The following ROBO2 variants were observed in gnomAD, a reference collection of about 807,000 sequenced individuals.
The protein encoded by ROBO2 is roundabout homolog 2.
Under a neutral mutation model 160.8 loss-of-function variants are expected in ROBO2, and 53 were observed. The ratio of observed to expected loss-of-function variants is 0.33; its 90% confidence interval spans 0.26 to 0.41. The LOEUF (loss-of-function observed/expected upper bound fraction) is 0.41, where lower values mean the gene tolerates loss of function less well. Ranked by LOEUF, ROBO2 falls within the 10% of genes least tolerant of loss-of-function variation. ROBO2 has a pLI of 1.00. For missense variants in ROBO2, 1,577 were observed against 1,722.4 expected (o/e 0.92, Z 1.49); for synonymous variants, 664 against 611.7 (o/e 1.09, Z -1.26).
intron 2 of ROBO2, among the ~76,000 whole-genome samples, chr3:77,007,568 C>A (rs535602788): frequency 6.6e-6 from 1 of 151,960 alleles, no homozygotes; most frequent in Non-Finnish European, 1.5e-5. Flanking sequence ...TTACTATAGA[C>A]GATATTCTGC....
intron 2 of ROBO2, among the ~76,000 whole-genome samples, chr3:76,421,859 G>C (rs1271925231): frequency 6.6e-6 from 1 of 152,142 alleles, no homozygotes; most frequent in African/African-American, 2.4e-5. Flanking sequence ...GTCACATTTA[G>C]TCCCCAATTT....
intron 2 of ROBO2, among the ~76,000 whole-genome samples, chr3:76,777,697 C>G (rs573100606): frequency 1.1e-4 from 17 of 150,810 alleles, no homozygotes; most frequent in African/African-American, 4.1e-4. Flanking sequence ...TGGATTTATA[C>G]TAATAGGCTG....
At chr3:77,382,158 C>A (rs1331200068) in intron 2 of ROBO2, among the ~76,000 whole-genome samples, 1 of 152,014 alleles carries the variant, frequency 6.6e-6, no homozygotes, top group Non-Finnish European at 1.5e-5. Flanking sequence ...GCATAAATGG[C>A]AGAGCTGCCC....
intron 2 of ROBO2, among the ~76,000 whole-genome samples, chr3:77,324,698 C>A (rs534075136): frequency 6.1e-5 from 9 of 148,118 alleles, no homozygotes; most frequent in Non-Finnish European, 1.0e-4. Flanking sequence ...AGGAGAATGG[C>A]GTGAACCTGG....
At chr3:75,990,900 C>A (rs2065547588) in intron 2 of ROBO2, among the ~76,000 whole-genome samples, 1 of 152,112 alleles carries the variant, frequency 6.6e-6, no homozygotes. Flanking sequence ...AGAAGATCTG[C>A]CCTCATAAAT....
At chr3:77,499,878 A>T (rs573923102) in intron 5 of ROBO2, among the ~76,000 whole-genome samples, 1 of 152,012 alleles carries the variant, frequency 6.6e-6, no homozygotes, top group South Asian at 2.1e-4. Flanking sequence ...GGAACTTCTG[A>T]CCTCATGATC....
At chr3:77,533,152 C>T (rs529010163) in intron 6 of ROBO2, among the ~76,000 whole-genome samples, 1 of 152,092 alleles carries the variant, frequency 6.6e-6, no homozygotes, top group East Asian at 1.9e-4. Context: ...TTTTCAATAT[C>T]TTACTAAAAA....
intron 2 of ROBO2, among the ~76,000 whole-genome samples, chr3:76,967,575 G>A (rs1166938911): frequency 7.2e-6 from 1 of 138,848 alleles, no homozygotes; most frequent in East Asian, 2.1e-4. Flanking sequence ...AGGCTGGAGT[G>A]CAGTGGCAAG....
intron 2 of ROBO2, among the ~76,000 whole-genome samples, chr3:76,004,574 T>C (rs1292272843): frequency 2.0e-5 from 3 of 152,182 alleles, no homozygotes; most frequent in African/African-American, 7.2e-5. Context: ...CAGAGGTGGC[T>C]GTCATTTTTT....
At chr3:77,224,570 T>C (rs572942794) in intron 2 of ROBO2, among the ~76,000 whole-genome samples, 2 of 152,150 alleles carry the variant, frequency 1.3e-5, no homozygotes, top group Admixed American at 6.5e-5. Flanking sequence ...GTATTTATTG[T>C]ATATTTGAGT....
intron 2 of ROBO2, among the ~76,000 whole-genome samples, chr3:76,572,603 G>T (rs998930499): frequency 1.3e-5 from 2 of 152,078 alleles, no homozygotes; most frequent in African/African-American, 4.8e-5. Flanking sequence ...CCCACCTATA[G>T]ATATTCTTAT....
chr3:77,355,832 T>G (rs900088026), intron 2 of ROBO2, among the ~76,000 whole-genome samples: 5 of 151,832 alleles, frequency 3.3e-5, no homozygotes, highest in African/African-American at 1.2e-4. Context: ...AAAAGTAGTG[T>G]CAGCCAGGGA....
intron 2 of ROBO2, among the ~76,000 whole-genome samples, chr3:77,473,912 T>G (rs1371210077): frequency 6.6e-6 from 1 of 152,136 alleles, no homozygotes; most frequent in Admixed American, 6.5e-5. Context: ...TCAAGATCTC[T>G]CTGACCTTCC....
chr3:76,905,740 A>T (rs3884326), intron 2 of ROBO2, among the ~76,000 whole-genome samples: 18,054 of 152,244 alleles, frequency 0.12, 1,451 homozygotes, highest in Admixed American at 0.21. Flanking sequence ...TTCTCGACAT[A>T]AATTACTATG....
At chr3:76,105,316 G>A (rs141768555) in intron 2 of ROBO2, among the ~76,000 whole-genome samples, 108 of 152,064 alleles carry the variant, frequency 7.1e-4, no homozygotes, top group African/African-American at 2.4e-3. Context: ...CTTCTATAAA[G>A]AAAATAACAA....
Position 76,580,328 on chromosome 3 carries a change from G to GT in ROBO2, c.110-517675dup, listed in dbSNP as rs748888426. Among the ~76,000 whole-genome samples, 267 of 67,238 alleles carry GT rather than the reference G, an allele frequency of 4.0e-3. 5 individuals carry two copies. Among genetic ancestry groups the GT allele is most frequent in the South Asian group, 6.5e-3 (13 of 2,000 alleles). The allele number at this position is 67,238 out of a possible 152,430, so 44.1% of individuals were successfully genotyped here. The stretch of plus-strand genomic sequence containing the variant: ...CTAACCCAACCCCTGTTTTTTTTTT[G>GT]TTTTTTTTTTTGTGTTTTTTTTTTT... On this transcript the variant is annotated intron_variant, in intron 2 of 26. Coordinates refer to the ROBO2 transcript ENST00000487694.
intron 2 of ROBO2, among the ~76,000 whole-genome samples, chr3:77,279,763 T>A (rs191305610): frequency 0.014 from 2,133 of 152,146 alleles, 22 homozygotes; most frequent in Middle Eastern, 0.031. Context: ...GAAAAAAAAA[T>A]CTTGGTATCT....
At chr3:76,418,251 G>C (rs1045372717) in intron 2 of ROBO2, among the ~76,000 whole-genome samples, 1 of 150,796 alleles carries the variant, frequency 6.6e-6, no homozygotes, top group Non-Finnish European at 1.5e-5. Context: ...GAGAGAGAGG[G>C]AGAGAGAGAG....
At chr3:75,949,810 T>C (rs1948468185) in intron 2 of ROBO2, among the ~76,000 whole-genome samples, 1 of 152,090 alleles carries the variant, frequency 6.6e-6, no homozygotes, top group Admixed American at 6.6e-5. Flanking sequence ...CTGAAAGCTA[T>C]TTGAATTCAT....
Sources: gnomAD v4.1 joint callset for allele counts (sites outside exome capture counted in the v4.1 genomes callset) on GRCh38, gnomAD v4.1.1 for gene constraint, MANE v1.5 for transcripts, NCBI Gene and HGNC (gene_info 2026-07-23, HGNC 2026-07-21) for gene names.